KDM1B: variants seen among roughly 807,000 people sequenced by gnomAD.
KDM1B encodes lysine demethylase 1B.
KDM1B carries 63 observed loss-of-function variants against 107.4 expected under a neutral mutation model. That is an observed-to-expected ratio of 0.59 (90% CI 0.48 to 0.72). The LOEUF is 0.72. Ranked by LOEUF, KDM1B falls within the 30% of genes least tolerant of loss-of-function variation. The probability of loss-of-function intolerance (pLI) is 0.00; values close to 1 mark genes in which losing one functional copy is unlikely to be tolerated. For missense variants in KDM1B, 749 were observed against 1,020.8 expected (o/e 0.73, Z 3.63); for synonymous variants, 363 against 363.9 (o/e 1.00, Z 0.03).
intron 16 of KDM1B, 122 bp downstream of exon 16, chr6:18,207,651 C>A: frequency 8.6e-7 from 1 of 1,156,548 alleles, no homozygotes. Flanking sequence ...TCTAGAAGTA[C>A]TTTTGTGGCT....
intron 2 of KDM1B, among the ~76,000 whole-genome samples, chr6:18,157,139 T>C (rs1368301727): frequency 6.6e-6 from 1 of 152,174 alleles, no homozygotes. Context: ...TTTAGGTGTG[T>C]TTATTAATTT....
chr6:18,165,128 A>ATTTTTTT (rs35906579), intron 5 of KDM1B, among the ~76,000 whole-genome samples: 65 of 81,560 alleles, frequency 8.0e-4, no homozygotes, highest in Non-Finnish European at 8.5e-4. Context: ...GCCTTCTCTG[A>ATTTTTTT]TTTTTTTTTT....
In KDM1B at chr6:18,203,338, A is replaced by G. The variant is rs752842981; in HGVS notation, c.1531+1681A>G. On this transcript the variant is annotated intron_variant, in intron 14 of 21. Coordinates refer to ENST00000650836, the MANE Select transcript of KDM1B (RefSeq NM_001364614.2). The surrounding 1 kb of genome is among the most constrained non-coding windows in gnomAD (Gnocchi z 5.5). ...TAGGCTCAGCAATTCTTACTGTGTA[A>G]GTGGGTATTTCATCTTATCAATAGC... Among the ~76,000 whole-genome samples, 27 of 152,180 alleles carry G rather than the reference A, an allele frequency of 1.8e-4. No homozygotes were observed. The highest frequency in any genetic ancestry group is 7.9e-4 in the Admixed American group (12 of 15,272).
At position 18,204,254 on chromosome 6, in the gene KDM1B, G is replaced by T. The variant is rs1050839562; in HGVS notation, c.1532-1283G>T. ...AATCCCAGCACTTCGGGAGGCTGAG[G>T]TGGGTAGATTTCTTGAGCTCAGGAG... On this transcript the variant is annotated intron_variant, in intron 14 of 21. Transcript: ENST00000650836. The surrounding 1 kb of genome is among the most constrained non-coding windows in gnomAD (Gnocchi z 4.9). 1.3e-5 allele frequency among the ~76,000 whole-genome samples: 2 copies of T among 152,120 alleles called. No homozygotes were observed. The highest frequency in any genetic ancestry group is 4.8e-5 in the African/African-American group (2 of 41,418).
chr6:18,194,893 C>T (rs572165472), intron 10 of KDM1B, among the ~76,000 whole-genome samples: 1 of 152,278 alleles, frequency 6.6e-6, no homozygotes, highest in East Asian at 1.9e-4. Context: ...AGTTCCAGAA[C>T]TTTTTCATTA....
intron 20 of KDM1B, among the ~76,000 whole-genome samples, chr6:18,216,122 C>T (rs1448962373): frequency 6.6e-6 from 1 of 152,190 alleles, no homozygotes; most frequent in Non-Finnish European, 1.5e-5. Context: ...CTCTTTCGCC[C>T]AGGCTGGAGT....
At chr6:18,179,241 G>A (rs7743344) in intron 7 of KDM1B, among the ~76,000 whole-genome samples, 140,416 of 152,242 alleles carry the variant, frequency 0.92, 64,817 homozygotes, top group African/African-American at 0.93. Flanking sequence ...ATTCCTGGGG[G>A]AAAAAAATCC....
Position 18,191,078 on chromosome 6 carries a change from T to C in KDM1B, c.785-119T>C. 1.4e-6 allele frequency: 1 copy of C among 702,454 alleles called. No homozygotes were observed. Among genetic ancestry groups the C allele is most frequent in the East Asian group, 2.8e-5 (1 of 35,860 alleles). 43.5% of individuals were successfully genotyped at this position (702,454 alleles called of 1,614,324 possible). On this transcript the variant is annotated intron_variant, in intron 9 of 21. Coordinates refer to ENST00000650836, the MANE Select transcript of KDM1B (RefSeq NM_001364614.2). This position sits in a 1 kb window ranked among gnomAD's most constrained non-coding sequence, Gnocchi z 5.1. ...ACTGGGTGGAGGAAGCAAAGGTATTTATGTAGGGTAGAGAGTGGAGCTTGT... is the reference window on the plus strand; with the variant it reads ...ACTGGGTGGAGGAAGCAAAGGTATTCATGTAGGGTAGAGAGTGGAGCTTGT...
intron 7 of KDM1B, among the ~76,000 whole-genome samples, chr6:18,178,310 T>A (rs889225730): frequency 6.6e-6 from 1 of 152,184 alleles, no homozygotes; most frequent in African/African-American, 2.4e-5. Context: ...GGTCTCGAAC[T>A]CCTGAACTCA....
rs1401180493 is a variant in KDM1B at position 18,204,469 on chromosome 6, A to G, written c.1532-1068A>G. ...AGCCTGGGTGACATGGTGAGACCCT[A>G]TCTCAGGAAAAAAAAGAAAAAGAAA... On this transcript the variant is annotated intron_variant, in intron 14 of 21. Transcript: ENST00000650836. This position sits in a 1 kb window ranked among gnomAD's most constrained non-coding sequence, Gnocchi z 4.9. 1.3e-5 allele frequency among the ~76,000 whole-genome samples: 2 copies of G among 152,112 alleles called. No homozygotes were observed. Among genetic ancestry groups the G allele is most frequent in the Non-Finnish European group, 2.9e-5 (2 of 68,022 alleles).
intron 7 of KDM1B, 50 bp from the exon 8 acceptor site, chr6:18,185,722 G>C (rs766447592): frequency 2.7e-6 from 4 of 1,506,632 alleles, no homozygotes; most frequent in Admixed American, 1.7e-5. Context: ...GGATACCTGA[G>C]ACTATATTTT....
intron 5 of KDM1B, among the ~76,000 whole-genome samples, chr6:18,164,651 G>A (rs141830724): frequency 1.9e-3 from 283 of 151,912 alleles, no homozygotes; most frequent in African/African-American, 6.4e-3. Flanking sequence ...TTTGTATTTA[G>A]AGTAGGTTTC....
chr6:18,157,930 A>G (rs1784732193), intron 2 of KDM1B, among the ~76,000 whole-genome samples: 1 of 148,240 alleles, frequency 6.7e-6, no homozygotes, highest in Non-Finnish European at 1.5e-5. Context: ...CTCCTGCCTC[A>G]GCCTCCCGAA....
At position 18,214,693 on chromosome 6, in the gene KDM1B, T is replaced by C. The variant is rs1288051275; in HGVS notation, c.2110-314T>C. 1.3e-5 allele frequency among the ~76,000 whole-genome samples: 2 copies of C among 152,166 alleles called. No homozygotes were observed. Among genetic ancestry groups the C allele is most frequent in the African/African-American group, 2.4e-5 (1 of 41,452 alleles). ...GGGAGGCCGAGGTGGGTGGATCACC[T>C]GAGGTCAGGAGTTTGAGACCAGTCT... On this transcript the variant is annotated intron_variant, in intron 19 of 21. Transcript: ENST00000650836. This position sits in a 1 kb window ranked among gnomAD's most constrained non-coding sequence, Gnocchi z 4.4.
At chr6:18,177,675 C>T (rs575958895) in intron 7 of KDM1B, among the ~76,000 whole-genome samples, 20 of 152,088 alleles carry the variant, frequency 1.3e-4, no homozygotes, top group African/African-American at 3.1e-4. Flanking sequence ...TCCCAAAGTG[C>T]TGGGATTACA....
chr6:18,212,538 T>G lies in KDM1B; in HGVS notation c.1917T>G (p.Phe639Leu). 1 of 1,614,158 alleles carries G rather than the reference T, an allele frequency of 6.2e-7. No homozygotes were observed. Among genetic ancestry groups the G allele is most frequent in the Non-Finnish European group, 8.5e-7 (1 of 1,179,982 alleles). Residue 639 changes from phenylalanine (F) to leucine (L), a missense_variant, in exon 18 of 22, where the codon TTT becomes TTG. Coordinates refer to ENST00000650836, the MANE Select transcript of KDM1B (RefSeq NM_001364614.2). This position sits in a 1 kb window ranked among gnomAD's most constrained non-coding sequence, Gnocchi z 5.2. ...TACTACAGAAAGGTGCCATTCAGTT[T>G]AATCCACCGTTGTCAGAGAAGAAGA... ...LALLQKGAIQ[F>L]NPPLSEKKMK...
At chr6:18,198,704 G>A (rs1464399810) in intron 12 of KDM1B, among the ~76,000 whole-genome samples, 1 of 150,732 alleles carries the variant, frequency 6.6e-6, no homozygotes, top group Non-Finnish European at 1.5e-5. Flanking sequence ...ACTGCTCCAG[G>A]CCTAGCACAT....
At chr6:18,184,736 CTTTTTT>C (rs58897300) in intron 7 of KDM1B, among the ~76,000 whole-genome samples, 18 of 65,434 alleles carry the variant, frequency 2.8e-4, no homozygotes, top group South Asian at 1.2e-3. Context: ...AGCTTTTTTC[CTTTTTT>C]TTTTTTTTTT....
At chr6:18,218,523 C>A (rs986374931) in intron 21 of KDM1B, among the ~76,000 whole-genome samples, 1 of 152,196 alleles carries the variant, frequency 6.6e-6, no homozygotes, top group Non-Finnish European at 1.5e-5. Context: ...ATTTGCTCAA[C>A]ATGGTTATTT....
Sources: gnomAD v4.1 joint callset for allele counts (sites outside exome capture counted in the v4.1 genomes callset) on GRCh38, gnomAD v4.1.1 for gene constraint, Gnocchi (gnomAD v3.1) non-coding constraint, MANE v1.5 for transcripts, NCBI Gene and HGNC (gene_info 2026-07-23, HGNC 2026-07-21) for gene names.